PRRC2C: variants seen among roughly 807,000 people sequenced by gnomAD.
The protein encoded by PRRC2C is proline rich coiled-coil 2C.
PRRC2C carries 72 observed loss-of-function variants against 317.2 expected under a neutral mutation model. The ratio of observed to expected loss-of-function variants is 0.23; its 90% CI spans 0.19 to 0.28. The LOEUF is 0.28. PRRC2C is among the 10% of genes least tolerant of loss of function. The probability of loss-of-function intolerance (pLI) is 1.00; values close to 1 mark genes in which losing one functional copy is unlikely to be tolerated. For missense variants in PRRC2C, 3,074 were observed against 3,459.7 expected, an observed-to-expected ratio of 0.89 and a Z score of 2.80; for synonymous variants, 1,296 against 1,205.9, an observed-to-expected ratio of 1.07 and a Z score of -1.55.
intron 1 of PRRC2C, among the ~76,000 whole-genome samples, chr1:171,492,722 A>G (rs957043063): frequency 1.4e-4 from 17 of 122,402 alleles, no homozygotes; most frequent in African/African-American, 5.1e-4. Context: ...GCAAGAGGGT[A>G]GGGGAATTTT....
chr1:171,577,771 A>ATATTTT, intron 26 of PRRC2C, 134 bp downstream of exon 26: 1 of 299,560 alleles, frequency 3.3e-6, no homozygotes, highest in Non-Finnish European at 5.3e-6. Flanking sequence ...TTAAATTCGC[A>ATATTTT]TTTTTTTTTT....
At position 171,541,919 on chromosome 1, in the gene PRRC2C, T is replaced by G; in HGVS notation, c.4453T>G (p.Leu1485Val). Residue 1485 changes from leucine (L) to valine (V), a missense_variant, in exon 16 of 35, where the codon TTA (leucine) becomes GTA (valine). This residue lies in a region of PRRC2C where 1,320 missense variants were observed against 1,395.7 expected (regional missense o/e 0.95). Coordinates refer to ENST00000647382, the MANE Select transcript of PRRC2C (RefSeq NM_001387844.1). This position sits in a 1 kb window ranked among gnomAD's most constrained non-coding sequence, Gnocchi z 4.1. ...TATTTCCGGGAATAAGACACCAGAT[T>G]TATCTAATCAGAACTCTTCAGATCA... Reference protein sequence around the residue: ...GDISGNKTPDLSNQNSSDQAN... With the variant: ...GDISGNKTPDVSNQNSSDQAN... The G allele has an allele frequency of 1.2e-6, 2 of 1,613,828 alleles. No homozygotes were observed. The highest frequency in any genetic ancestry group is 2.2e-5 in the East Asian group (1 of 44,870).
Position 171,541,568 on chromosome 1 carries a change from C to G in PRRC2C, c.4102C>G (p.Arg1368Gly), listed in dbSNP as rs148501478. ...CCGTCCATCACGCCCTTCCACTTTA[C>G]GAAGACCAGCTTATCGGGACAATCA... ...GGRPSRPSTLRRPAYRDNQWN... is the reference protein window; with the variant it reads ...GGRPSRPSTLGRPAYRDNQWN... Residue 1368 changes from arginine to glycine, a missense_variant, in exon 16 of 35, where the codon CGA becomes GGA. By Grantham distance (125) the Arg-to-Gly change is moderately radical. Transcript: ENST00000647382. The surrounding 1 kb of genome is among the most constrained non-coding windows in gnomAD (Gnocchi z 4.1). 1,658 of 1,613,714 alleles carry G rather than the reference C, an allele frequency of 1.0e-3. 2 individuals are homozygous for G. Among genetic ancestry groups the G allele is most frequent in the Non-Finnish European group, 1.3e-3 (1,500 of 1,179,836 alleles).
chr1:171,578,533 G>C (rs1037645138), intron 26 of PRRC2C, among the ~76,000 whole-genome samples: 1 of 151,626 alleles, frequency 6.6e-6, no homozygotes, highest in East Asian at 2.0e-4. Flanking sequence ...CTGTCTCGTC[G>C]TAATAATATG....
Position 171,488,134 on chromosome 1 carries a change from TGTTA to T in PRRC2C, c.-58+2405_-58+2408del, listed in dbSNP as rs541639572. Among the ~76,000 whole-genome samples the T allele has an allele frequency of 4.9e-4, 74 of 152,386 alleles. No homozygotes were observed. The South Asian group carries it at 0.012, about 25-fold the overall frequency. On this transcript the variant is annotated intron_variant, in intron 1 of 34. Transcript: ENST00000647382. ...GCCACCCCTAAACACTACTTCAGTT[TGTTA>T]GTTAGGTAACTTGTGTTTTGGATGC...
intron 1 of PRRC2C, among the ~76,000 whole-genome samples, chr1:171,504,840 G>A (rs1252795275): frequency 1.3e-5 from 2 of 152,098 alleles, no homozygotes. Flanking sequence ...CTGAGGTTTT[G>A]TTGGGGATTG....
intron 27 of PRRC2C, 53 bp from the exon 28 acceptor site, chr1:171,579,775 T>G (rs753806765): frequency 7.4e-6 from 11 of 1,477,736 alleles, no homozygotes; most frequent in Non-Finnish European, 9.9e-6. Context: ...TGTTAATGAT[T>G]TATCTGTATG....
At chr1:171,530,459 T>C (rs1187503841) in intron 11 of PRRC2C, among the ~76,000 whole-genome samples, 1 of 151,978 alleles carries the variant, frequency 6.6e-6, no homozygotes, top group African/African-American at 2.4e-5. Context: ...TTGCCCAGGC[T>C]AGTCTTGAAT....
chr1:171,515,999 G>T, intron 5 of PRRC2C, 140 bp downstream of exon 5: 1 of 922,672 alleles, frequency 1.1e-6, no homozygotes, highest in Non-Finnish European at 1.5e-6. Flanking sequence ...TGCTACTCAG[G>T]TATGATTTTT....
intron 1 of PRRC2C, among the ~76,000 whole-genome samples, chr1:171,486,704 G>T (rs1251866700): frequency 1.3e-5 from 2 of 152,128 alleles, no homozygotes; most frequent in Non-Finnish European, 1.5e-5. Flanking sequence ...TGTACAGTAG[G>T]CGGCTCTGCT....
At chr1:171,528,582 C>T (rs945092011) in intron 11 of PRRC2C, among the ~76,000 whole-genome samples, 3 of 152,122 alleles carry the variant, frequency 2.0e-5, no homozygotes, top group East Asian at 1.9e-4. Flanking sequence ...TGAGCCACCG[C>T]GCCCGGCCAA....
chr1:171,531,741 C>G (rs962091250), intron 11 of PRRC2C, among the ~76,000 whole-genome samples: 1 of 152,192 alleles, frequency 6.6e-6, no homozygotes, highest in African/African-American at 2.4e-5. Flanking sequence ...CGATTCTCCA[C>G]TCCGGGTTCT....
chr1:171,523,641 T>C (rs1674008737), intron 9 of PRRC2C, 119 bp downstream of exon 9: 1 of 907,944 alleles, frequency 1.1e-6, no homozygotes, highest in South Asian at 1.6e-5. Context: ...TTATATATTC[T>C]CAGAAGTTTT....
chr1:171,566,907 A>G (rs1683763330), intron 22 of PRRC2C, 64 bp downstream of exon 22: 8 of 1,509,314 alleles, frequency 5.3e-6, no homozygotes, highest in Non-Finnish European at 6.2e-6. Flanking sequence ...GAACGAGAAG[A>G]ACAGCAACAG....
chr1:171,558,378 T>TG (rs35710400), intron 19 of PRRC2C, among the ~76,000 whole-genome samples: 117,255 of 150,756 alleles, frequency 0.78, 45,794 homozygotes, highest in Middle Eastern at 0.89. Flanking sequence ...AGGCAATGTT[T>TG]GGGGGGGTCT....
chr1:171,539,920 C>T (rs941173003), intron 15 of PRRC2C, 51 bp from the exon 16 acceptor site: 1 of 1,444,168 alleles, frequency 6.9e-7, no homozygotes. Context: ...TATACTTACG[C>T]ATGGGAAAGA....
chr1:171,526,805 C>CTTTT lies in PRRC2C; in HGVS notation c.1201-968_1201-965dup, dbSNP rs938229816. On this transcript the variant is annotated intron_variant, in intron 10 of 34. Transcript: ENST00000647382. ...AAAATCATTACATTCAGAAATATAT[C>CTTTT]TTTTTTTTTTTTTTTTTTTTTGAGA... Among the ~76,000 whole-genome samples, 28 of 90,206 alleles carry CTTTT rather than the reference C, an allele frequency of 3.1e-4. 6 individuals are homozygous for CTTTT. Among genetic ancestry groups the CTTTT allele is most frequent in the East Asian group, 5.5e-4 (2 of 3,614 alleles). 59.2% of individuals were successfully genotyped at this position (90,206 alleles called of 152,430 possible).
Position 171,532,871 on chromosome 1 carries a change from A to G in PRRC2C, c.1783A>G (p.Arg595Gly). The change falls in exon 12 of 35, where the codon AGG becomes GGG. Residue 595 changes from arginine (R) to glycine (G), a missense_variant. Arg to Gly is a moderately radical substitution (Grantham distance 125). Coordinates refer to ENST00000647382, the MANE Select transcript of PRRC2C (RefSeq NM_001387844.1). ...QEKECELEKEREKLEEKIEPR... is the reference protein window; with the variant it reads ...QEKECELEKEGEKLEEKIEPR... ...AAAGGAATGTGAGCTGGAGAAGGAA[A>G]GGGAAAAATTAGAGGAGAAAATTGA... 1 of 1,590,408 alleles carries G rather than the reference A, an allele frequency of 6.3e-7. No homozygotes were observed. The highest frequency in any genetic ancestry group is 8.5e-7 in the Non-Finnish European group (1 of 1,174,550).
intron 17 of PRRC2C, among the ~76,000 whole-genome samples, chr1:171,547,638 T>TTTTTTTG: frequency 7.0e-6 from 1 of 142,374 alleles, no homozygotes; most frequent in Non-Finnish European, 1.5e-5. Flanking sequence ...CCCTTCTTTT[T>TTTTTTTG]TTTTTTTGTT....
Sources: allele counts gnomAD v4.1 joint callset (sites outside exome capture counted in the v4.1 genomes callset), GRCh38; gene constraint gnomAD v4.1.1; regional missense constraint gnomAD v4.1.1; non-coding constraint Gnocchi (gnomAD v3.1); transcripts MANE v1.5; gene names NCBI Gene and HGNC (gene_info 2026-07-23, HGNC 2026-07-21).